MEP1A: variants seen among roughly 807,000 people sequenced by gnomAD.
MEP1A encodes the protein meprin A subunit alpha.
Under a neutral mutation model 84.5 loss-of-function variants are expected in MEP1A, and 68 were observed. That is an observed-to-expected ratio of 0.80 (90% CI 0.66 to 0.98). The LOEUF is 0.98. MEP1A is among the 50% of genes least tolerant of loss of function. The pLI is 0.00. For missense variants in MEP1A, 887 were observed against 919.9 expected (o/e 0.96, Z 0.46); for synonymous variants, 337 against 336.8 (o/e 1.00, Z -0.01).
At chr6:46,828,232 C>T (rs537009072) in intron 9 of MEP1A, among the ~76,000 whole-genome samples, 22 of 137,116 alleles carry the variant, frequency 1.6e-4, no homozygotes, top group Middle Eastern at 3.7e-3. Flanking sequence ...TAGCCTTGTG[C>T]GCTGTTTTTT....
chr6:46,805,596 C>G (rs1767294399), intron 5 of MEP1A, among the ~76,000 whole-genome samples: 1 of 151,870 alleles, frequency 6.6e-6, no homozygotes, highest in Non-Finnish European at 1.5e-5. Flanking sequence ...TACACTGTTT[C>G]TTGTCTCCAG....
At chr6:46,824,817 ATTAGATGTATTTAAATATATATAAATT>A (rs1767876472) in intron 7 of MEP1A, among the ~76,000 whole-genome samples, 1 of 124,144 alleles carries the variant, frequency 8.1e-6, no homozygotes, top group African/African-American at 3.2e-5. Context: ...GATGTATTTA[ATTAGATGTATTTAAATATATATAAATT>A]ATATATATAA....
At chr6:46,814,018 A>T (rs1767568844) in intron 6 of MEP1A, among the ~76,000 whole-genome samples, 1 of 152,084 alleles carries the variant, frequency 6.6e-6, no homozygotes, top group Non-Finnish European at 1.5e-5. Flanking sequence ...TAACCTGATG[A>T]CTGTGTGCCT....
At position 46,833,078 on chromosome 6, in the gene MEP1A, T is replaced by C. The variant is rs1239936864; in HGVS notation, c.1149T>C (p.Asp383=). ...KLVKVQTFQG[D]DDHNWKIAHV... ...AGCCTTGTTCTCTGTCCTCAGGAGA[T>C]GATGACCACAATTGGAAAATTGCCC... Residue 383 remains aspartate, a synonymous_variant, in exon 11 of 14, where the codon GAT becomes GAC. Coordinates refer to ENST00000230588, the MANE Select transcript of MEP1A (RefSeq NM_005588.3). The C allele has an allele frequency of 3.3e-6, 5 of 1,517,152 alleles. No individual in the cohort carries two copies. In the African/African-American group the frequency reaches 5.6e-5, roughly 17 times the overall value. 94.0% of individuals were successfully genotyped at this position (1,517,152 alleles called of 1,614,324 possible).
downstream of MEP1A, among the ~76,000 whole-genome samples, chr6:46,844,332 C>T (rs1768380341): frequency 6.6e-6 from 1 of 152,000 alleles, no homozygotes; most frequent in Non-Finnish European, 1.5e-5. Context: ...GGCAGCCCAA[C>T]AGATGTGTGT....
At chr6:46,799,974 A>G (rs1462314120) in intron 5 of MEP1A, among the ~76,000 whole-genome samples, 2 of 152,178 alleles carry the variant, frequency 1.3e-5, no homozygotes, top group Admixed American at 6.5e-5. Flanking sequence ...TCCTACTCTC[A>G]GGAGATGTAG....
At chr6:46,813,570 G>A (rs754492578) in intron 6 of MEP1A, among the ~76,000 whole-genome samples, 3 of 152,018 alleles carry the variant, frequency 2.0e-5, no homozygotes, top group Non-Finnish European at 1.5e-5. Flanking sequence ...GGGGTGTGAG[G>A]TACTATTCTA....
chr6:46,797,798 CTT>C (rs1467181394), intron 3 of MEP1A, among the ~76,000 whole-genome samples: 398 of 26,440 alleles, frequency 0.015, 1 homozygote, highest in Middle Eastern at 0.045. Flanking sequence ...CTTTCTCTTT[CTT>C]TCTTTCTTTC....
intron 10 of MEP1A, among the ~76,000 whole-genome samples, chr6:46,830,253 A>G (rs1768050489): frequency 3.8e-4 from 2 of 5,292 alleles, no homozygotes; most frequent in Non-Finnish European, 1.0e-3. Context: ...CATCTAAAAA[A>G]AAAAAAAAAA....
chr6:46,806,284 G>A (rs529537133), intron 5 of MEP1A, among the ~76,000 whole-genome samples: 7 of 151,942 alleles, frequency 4.6e-5, no homozygotes, highest in Non-Finnish European at 1.0e-4. Context: ...TTATATATTA[G>A]ACATTGTGTT....
At chr6:46,837,617 C>T (rs1768242714) in intron 13 of MEP1A, among the ~76,000 whole-genome samples, 1 of 152,222 alleles carries the variant, frequency 6.6e-6, no homozygotes, top group South Asian at 2.1e-4. Flanking sequence ...TCATCCTTCC[C>T]AGGCTAAGGG....
rs533673024 is a variant in MEP1A, at chr6:46,834,040, A to G, written c.1609+502A>G. Among the ~76,000 whole-genome samples the G allele has an allele frequency of 6.0e-5, 9 of 149,430 alleles. No individual in the cohort carries two copies. In the South Asian group the frequency reaches 1.9e-3, roughly 32 times the overall value. ...CGCCCAGGCTGCAATGTAATGGCGC[A>G]TTCTCGGCTCACTGCAACCTCCACC... On this transcript the variant is annotated intron_variant, in intron 11 of 13. Transcript: ENST00000230588.
At position 46,793,587 on chromosome 6, in the gene MEP1A, G is replaced by A. The variant is rs1184013591; in HGVS notation, c.94+11G>A. The A allele has an allele frequency of 2.8e-5, 43 of 1,554,916 alleles. No individual in the cohort carries two copies. Among genetic ancestry groups the A allele is most frequent in the Non-Finnish European group, 3.7e-5 (42 of 1,137,194 alleles). Reference sequence around the variant, plus strand: ...TTCCTGAAGAAAATGGTAAGAATTAGTTCAAATGCACAGAGAGTGTTTTTG... The same window carrying A: ...TTCCTGAAGAAAATGGTAAGAATTAATTCAAATGCACAGAGAGTGTTTTTG... On this transcript the variant is annotated intron_variant, in intron 2 of 13. Coordinates refer to ENST00000230588, the MANE Select transcript of MEP1A (RefSeq NM_005588.3).
intron 12 of MEP1A, among the ~76,000 whole-genome samples, 173 bp downstream of exon 12, chr6:46,834,924 C>T (rs1038328622): frequency 1.3e-5 from 2 of 152,080 alleles, no homozygotes; most frequent in Non-Finnish European, 2.9e-5. Context: ...TTTAATTGTC[C>T]TTGAAAGAAA....
intron 7 of MEP1A, among the ~76,000 whole-genome samples, chr6:46,824,847 A>G (rs1254339764): frequency 1.1e-4 from 9 of 80,702 alleles, no homozygotes; most frequent in African/African-American, 3.8e-4. Flanking sequence ...TATAAATTAT[A>G]TATATAAATT....
chr6:46,800,925 A>C (rs1379166423), intron 5 of MEP1A, among the ~76,000 whole-genome samples: 1 of 152,176 alleles, frequency 6.6e-6, no homozygotes, highest in Non-Finnish European at 1.5e-5. Context: ...TTTTATAAAT[A>C]CTATGTGTCT....
chr6:46,842,763 G>A (rs146151181), downstream of MEP1A, among the ~76,000 whole-genome samples: 1 of 152,072 alleles, frequency 6.6e-6, no homozygotes, highest in East Asian at 1.9e-4. Context: ...ATAAAAACTT[G>A]CTGGTTTTGC....
In MEP1A at chr6:46,793,691, G is replaced by A; in HGVS notation, c.120G>A (p.Gln40=). Residue 40 remains glutamine (Q), a synonymous_variant, in exon 3 of 14, where the codon CAG becomes CAA. Transcript: ENST00000230588. Reference sequence around the variant, plus strand: ...TACATGATGCAGATTTTGGTGAACAGAAGGATATTTCAGAAATCAATTTAG... The same window carrying A: ...TACATGATGCAGATTTTGGTGAACAAAAGGATATTTCAGAAATCAATTTAG... ...ENVHDADFGE[Q]KDISEINLAA... is the part of the protein sequence containing the mutation. 1 of 1,610,082 alleles carries A rather than the reference G, an allele frequency of 6.2e-7. No individual in the cohort carries two copies. Among genetic ancestry groups the A allele is most frequent in the East Asian group, 2.2e-5 (1 of 44,738 alleles).
chr6:46,824,401 T>C (rs906479548), intron 7 of MEP1A, among the ~76,000 whole-genome samples: 1 of 147,410 alleles, frequency 6.8e-6, no homozygotes, highest in East Asian at 1.9e-4. Context: ...ATATTATATA[T>C]GTTATTGTAT....
Sources: allele counts gnomAD v4.1 joint callset (sites outside exome capture counted in the v4.1 genomes callset), GRCh38; gene constraint gnomAD v4.1.1; transcripts MANE v1.5; gene names NCBI Gene and HGNC (gene_info 2026-07-23, HGNC 2026-07-21).